PRKG1: variants seen among roughly 807,000 people sequenced by gnomAD.
The protein encoded by PRKG1 is protein kinase cGMP-dependent 1.
PRKG1 carries 35 observed loss-of-function variants against 88.1 expected under a neutral mutation model. That is an observed-to-expected ratio of 0.40 (90% CI 0.30 to 0.53). PRKG1 has a LOEUF of 0.53. Among genes scored for constraint, PRKG1 ranks in the 20% least tolerant of loss-of-function variants. The pLI, the probability that PRKG1 is intolerant of heterozygous loss-of-function variation, is 0.59. For missense variants in PRKG1, 540 were observed against 839.8 expected (o/e 0.64, Z 4.41); for synonymous variants, 303 against 292.5 (o/e 1.04, Z -0.37).
chr10:51,394,863 A>C (rs1837534439), intron 2 of PRKG1, among the ~76,000 whole-genome samples: 2 of 152,180 alleles, frequency 1.3e-5, no homozygotes. Flanking sequence ...CTTAATCACT[A>C]TTCAAGCAAC....
chr10:51,760,424 T>C (rs1239353176), intron 3 of PRKG1, among the ~76,000 whole-genome samples: 1 of 152,100 alleles, frequency 6.6e-6, no homozygotes, highest in Admixed American at 6.6e-5. Context: ...GTAGTTTTGC[T>C]TCCCTGTGAC....
intron 3 of PRKG1, among the ~76,000 whole-genome samples, chr10:51,554,337 T>TTATATACACATATATAATATATACACACA (rs1837250600): frequency 2.4e-5 from 2 of 83,604 alleles, no homozygotes; most frequent in African/African-American, 2.9e-5. Context: ...CACACATATA[T>TTATATACACATATATAATATATACACACA]TATATACACA....
intron 2 of PRKG1, among the ~76,000 whole-genome samples, chr10:51,425,866 T>C (rs1472758400): frequency 6.6e-6 from 1 of 152,212 alleles, no homozygotes; most frequent in Non-Finnish European, 1.5e-5. Context: ...ATGGACACTT[T>C]AGGTGGATGT....
Position 51,582,575 on chromosome 10 carries a change from T to G in PRKG1, c.592+114739T>G, listed in dbSNP as rs1767080161. Among the ~76,000 whole-genome samples, 2 of 152,012 alleles carry G rather than the reference T, an allele frequency of 1.3e-5. 1 individual carries two copies. Among genetic ancestry groups the G allele is most frequent in the South Asian group, 4.1e-4 (2 of 4,824 alleles). On this transcript the variant is annotated intron_variant, in intron 3 of 17. Coordinates refer to ENST00000373980, the MANE Select transcript of PRKG1 (RefSeq NM_006258.4). ...CAGTGTTTGGTTTTCTGTTCCTGTGTTAGTTTGCTGAGGACAGTGGCTTCC... is the reference window on the plus strand; with the variant it reads ...CAGTGTTTGGTTTTCTGTTCCTGTGGTAGTTTGCTGAGGACAGTGGCTTCC...
chr10:51,646,543 G>C, intron 3 of PRKG1, among the ~76,000 whole-genome samples: 1 of 151,744 alleles, frequency 6.6e-6, no homozygotes, highest in East Asian at 1.9e-4. Flanking sequence ...ATATATTTAC[G>C]TATATAAGCT....
chr10:51,959,292 G>T (rs74132860), intron 5 of PRKG1, among the ~76,000 whole-genome samples: 6 of 152,094 alleles, frequency 3.9e-5, no homozygotes, highest in Non-Finnish European at 5.9e-5. Flanking sequence ...AGAAGATTTT[G>T]TAGAGGAGAA....
intron 2 of PRKG1, among the ~76,000 whole-genome samples, chr10:51,354,531 T>C (rs921484246): frequency 6.6e-5 from 10 of 152,126 alleles, no homozygotes; most frequent in African/African-American, 1.2e-4. Context: ...TTTTCCCATA[T>C]AAAACTTCCA....
rs1390207041 is a variant in PRKG1 at position 51,614,963 on chromosome 10, CCATCTTTGAATATATT to C, written c.592+147130_592+147145del. ...TGAATATATTCAACTTTGAATATAT[CCATCTTTGAATATATT>C]CAACTTTGAATATATCCATCTTTGA... On this transcript the variant is annotated intron_variant, in intron 3 of 17. Transcript: ENST00000373980. Among the ~76,000 whole-genome samples the C allele has an allele frequency of 4.2e-4, 61 of 146,464 alleles. 1 individual carries two copies. In the South Asian group the frequency reaches 6.6e-3, roughly 16 times the overall value.
chr10:51,157,574 G>A (rs987707573), intron 2 of PRKG1, among the ~76,000 whole-genome samples: 14 of 151,710 alleles, frequency 9.2e-5, no homozygotes, highest in Non-Finnish European at 1.3e-4. Flanking sequence ...TTTATAATTG[G>A]TGATGCATTA....
intron 3 of PRKG1, among the ~76,000 whole-genome samples, chr10:51,564,568 C>T (rs28633141): frequency 0.069 from 10,517 of 152,002 alleles, 1,181 homozygotes; most frequent in African/African-American, 0.24. Context: ...ACATGACAGA[C>T]GACCTTGCAC....
At chr10:50,998,238 G>C (rs559627816) in intron 1 of PRKG1, among the ~76,000 whole-genome samples, 1 of 151,980 alleles carries the variant, frequency 6.6e-6, no homozygotes, top group South Asian at 2.1e-4. Flanking sequence ...TCCCTCTTTC[G>C]GGTCCTTGTA....
intron 8 of PRKG1, among the ~76,000 whole-genome samples, chr10:52,145,498 C>T (rs897684532): frequency 2.6e-5 from 4 of 152,026 alleles, no homozygotes; most frequent in Admixed American, 6.6e-5. Flanking sequence ...TTTTTATGTA[C>T]AACATTTGGC....
chr10:51,303,057 G>A (rs1044634110), intron 2 of PRKG1, among the ~76,000 whole-genome samples: 5 of 152,094 alleles, frequency 3.3e-5, no homozygotes, highest in East Asian at 1.9e-4. Flanking sequence ...TGTTTCAACC[G>A]GGTTAAGATT....
chr10:52,185,333 C>T (rs1839167337), intron 9 of PRKG1, among the ~76,000 whole-genome samples: 1 of 152,218 alleles, frequency 6.6e-6, no homozygotes, highest in Non-Finnish European at 1.5e-5. Flanking sequence ...CCAAAATAGT[C>T]TCCTTGGACT....
At chr10:51,485,809 T>C (rs192684283) in intron 3 of PRKG1, among the ~76,000 whole-genome samples, 18 of 152,316 alleles carry the variant, frequency 1.2e-4, no homozygotes, top group African/African-American at 4.1e-4. Context: ...TCAGGAATTC[T>C]TATTAGGGTC....
At chr10:51,276,190 C>T (rs1031345973) in intron 2 of PRKG1, among the ~76,000 whole-genome samples, 1 of 152,108 alleles carries the variant, frequency 6.6e-6, no homozygotes, top group African/African-American at 2.4e-5. Flanking sequence ...GTACAATTCC[C>T]ACCTATGAGT....
At chr10:52,096,725 G>A (rs1026899824) in intron 7 of PRKG1, among the ~76,000 whole-genome samples, 8 of 152,022 alleles carry the variant, frequency 5.3e-5, no homozygotes, top group South Asian at 2.1e-4. Flanking sequence ...ATCTATGCAC[G>A]CAGATTTAAT....
intron 7 of PRKG1, among the ~76,000 whole-genome samples, chr10:52,084,760 A>G (rs1379059146): frequency 6.6e-6 from 1 of 152,042 alleles, no homozygotes; most frequent in East Asian, 1.9e-4. Flanking sequence ...TCTAGTTAAC[A>G]GCCCCATGCC....
intron 2 of PRKG1, among the ~76,000 whole-genome samples, chr10:51,304,392 A>G (rs919477212): frequency 6.6e-6 from 1 of 152,206 alleles, no homozygotes; most frequent in African/African-American, 2.4e-5. Context: ...TAAGTTGAAT[A>G]TCAAAGGATG....
Sources: allele counts gnomAD v4.1 joint callset (sites outside exome capture counted in the v4.1 genomes callset), GRCh38; gene constraint gnomAD v4.1.1; transcripts MANE v1.5; gene names NCBI Gene and HGNC (gene_info 2026-07-23, HGNC 2026-07-21).